DNMT3B: variants seen among roughly 807,000 people sequenced by gnomAD.
DNMT3B encodes DNA methyltransferase 3 beta, also known as DNA (cytosine-5)-methyltransferase 3B.
A neutral mutation model predicts 120.2 loss-of-function variants in DNMT3B; 37 were observed. The ratio of observed to expected loss-of-function variants is 0.31; its 90% confidence interval spans 0.24 to 0.40. DNMT3B has a LOEUF of 0.40. Ranked by LOEUF, DNMT3B falls within the 10% of genes least tolerant of loss-of-function variation. The pLI is 1.00. For missense variants in DNMT3B, 878 were observed against 1,137.3 expected (o/e 0.77, Z 3.28); for synonymous variants, 412 against 442.8 (o/e 0.93, Z 0.87).
chr20:32,777,981 T>A (rs1055963594), intron 1 of DNMT3B, among the ~76,000 whole-genome samples: 2 of 152,218 alleles, frequency 1.3e-5, no homozygotes, highest in African/African-American at 4.8e-5. Flanking sequence ...ATCTGAACAA[T>A]GCTGCTTTAA....
chr20:32,800,224 A>G lies in DNMT3B; in HGVS notation c.1831A>G (p.Ile611Val). ...CGCTTCTGAAGTGTGTGAGGAGTCCATTGCTGTTGGAACCGTGAAGCACGA... is the reference window on the plus strand; with the variant it reads ...CGCTTCTGAAGTGTGTGAGGAGTCCGTTGCTGTTGGAACCGTGAAGCACGA... ...YVASEVCEES[I>V]AVGTVKHEGN... Residue 611 changes from isoleucine to valine, a missense_variant, in exon 17 of 23, where the codon ATT becomes GTT. Physicochemically the swap from Ile to Val is conservative, Grantham distance 29 (BLOSUM62 3). Transcript: ENST00000328111. 7 of 1,614,202 alleles carry G rather than the reference A, an allele frequency of 4.3e-6. No individual in the cohort carries two copies. The highest frequency in any genetic ancestry group is 5.9e-6 in the Non-Finnish European group (7 of 1,180,044).
intron 21 of DNMT3B, 102 bp downstream of exon 21, chr20:32,805,509 A>C: frequency 2.2e-6 from 3 of 1,359,834 alleles, no homozygotes; most frequent in Non-Finnish European, 3.1e-6. Flanking sequence ...TCCTCCCCCC[A>C]CGTGACTTCC....
intron 1 of DNMT3B, among the ~76,000 whole-genome samples, chr20:32,776,652 C>A (rs542791503): frequency 6.6e-6 from 1 of 152,162 alleles, no homozygotes; most frequent in African/African-American, 2.4e-5. Context: ...CAGTACTTAC[C>A]ACATTTAAAG....
rs759107819 is a variant in DNMT3B, at chr20:32,806,188, T to G, written c.2302-21T>G. On this transcript the variant is annotated intron_variant, in intron 21 of 22. Transcript: ENST00000328111. ...GTCCCTTCATTCTGTGCTCACTCCA[T>G]GATGTCATTTTGTTCTCCAGTTAAA... 3 of 1,609,730 alleles carry G rather than the reference T, an allele frequency of 1.9e-6. No homozygotes were observed. In the Admixed American group the frequency reaches 5.0e-5, roughly 27 times the overall value.
chr20:32,780,598 C>G (rs1440045309), intron 2 of DNMT3B, 133 bp downstream of exon 2: 49 of 1,419,184 alleles, frequency 3.5e-5, no homozygotes, highest in Non-Finnish European at 3.5e-5. Context: ...AGAGCTCTAG[C>G]AAGGAGGGAT....
Position 32,797,279 on chromosome 20 carries a change from C to T in DNMT3B, c.1470C>T (p.Cys490=), listed in dbSNP as rs2146019258. ...GCGAGGGCCGAGAGCTGCTGCTTTG[C>T]AGCAACACGAGCTGCTGCCGGTGAG... The part of the protein sequence containing the change: ...VCCEGRELLL[C]SNTSCCRCFC... The change falls in exon 14 of 23, where the codon TGC becomes TGT. Residue 490 remains cysteine, a synonymous_variant. Coordinates refer to ENST00000328111, the MANE Select transcript of DNMT3B (RefSeq NM_006892.4). The T allele has an allele frequency of 1.2e-6, 2 of 1,614,124 alleles. No individual in the cohort carries two copies. The highest frequency in any genetic ancestry group is 1.7e-6 in the Non-Finnish European group (2 of 1,180,024).
At chr20:32,799,098 C>G (rs908603440) in intron 15 of DNMT3B, 146 bp from the exon 16 acceptor site, 1 of 845,556 alleles carries the variant, frequency 1.2e-6, no homozygotes, top group Non-Finnish European at 1.9e-6. Flanking sequence ...CTTGTCTCCC[C>G]AATCCCCATC....
intron 9 of DNMT3B, among the ~76,000 whole-genome samples, chr20:32,793,272 T>C (rs1217472047): frequency 6.6e-6 from 1 of 152,082 alleles, no homozygotes; most frequent in Non-Finnish European, 1.5e-5. Context: ...GGCGAGTGGA[T>C]CACTTGAGGC....
Position 32,807,903 on chromosome 20 carries a change from G to T in DNMT3B, c.2562G>T (p.Ter854TyrextTer20). 1 of 1,614,170 alleles carries T rather than the reference G, an allele frequency of 6.2e-7. No individual in the cohort carries two copies. Among genetic ancestry groups the T allele is most frequent in the Non-Finnish European group, 8.5e-7 (1 of 1,180,022 alleles). ...TGAAGGACTACTTTGCATGTGAATA[G>T]TTCCAGCCAGGCCCCAAGCCCACTG... ...APLKDYFACE[*>Y] The change falls in exon 23 of 23, where the codon TAG (stop) becomes TAT (tyrosine). Residue 854 changes from the stop codon to tyrosine, a stop_lost. Transcript: ENST00000328111.
chr20:32,778,942 AGATG>A (rs3080493), intron 1 of DNMT3B, among the ~76,000 whole-genome samples: 11,586 of 150,470 alleles, frequency 0.077, 936 homozygotes, highest in African/African-American at 0.21. Flanking sequence ...TCTCTAAGAT[AGATG>A]GATGGATGGA....
chr20:32,804,431 G>A (rs1051184593), intron 20 of DNMT3B, among the ~76,000 whole-genome samples: 2 of 152,180 alleles, frequency 1.3e-5, no homozygotes, highest in East Asian at 3.9e-4. Flanking sequence ...CAGTCTAGGG[G>A]AAATATGTGT....
chr20:32,798,551 CTCCCGCAGCGCTGTCATGGCG>C lies in DNMT3B; in HGVS notation c.1586_1606del (p.Pro529_Val535del). 1 of 1,614,236 alleles carries C rather than the reference CTCCCGCAGCGCTGTCATGGCG, an allele frequency of 6.2e-7. No homozygotes were observed. The highest frequency in any genetic ancestry group is 8.5e-7 in the Non-Finnish European group (1 of 1,180,044). On this transcript the variant is annotated inframe_deletion, in exon 15 of 23. Coordinates refer to ENST00000328111, the MANE Select transcript of DNMT3B (RefSeq NM_006892.4). ...GGAGCCCTGGAGCTGTTACATGTGT[CTCCCGCAGCGCTGTCATGGCG>C]TCCTGCGGCGCCGGAAGGACTGGAA... is the stretch of plus-strand genomic sequence containing the variant.
chr20:32,781,275 A>G, intron 2 of DNMT3B, 78 bp from the exon 3 acceptor site: 3 of 1,512,960 alleles, frequency 2.0e-6, no homozygotes, highest in Non-Finnish European at 2.8e-6. Flanking sequence ...GCCACGGAGA[A>G]AAGCCCCTAT....
chr20:32,790,882 G>A (rs962542956), intron 7 of DNMT3B, among the ~76,000 whole-genome samples: 4 of 152,048 alleles, frequency 2.6e-5, no homozygotes, highest in Non-Finnish European at 5.9e-5. Flanking sequence ...CAGGCTAGTC[G>A]AACTCCTGGG....
intron 1 of DNMT3B, among the ~76,000 whole-genome samples, chr20:32,776,888 C>A (rs536580749): frequency 6.6e-6 from 1 of 151,950 alleles, no homozygotes; most frequent in African/African-American, 2.4e-5. Context: ...GAGAACACAG[C>A]AGCACATGCC....
At chr20:32,792,512 T>C in intron 8 of DNMT3B, 114 bp from the exon 9 acceptor site, 1 of 1,575,744 alleles carries the variant, frequency 6.3e-7, no homozygotes, top group Admixed American at 1.7e-5. Context: ...TGTCTGGCTA[T>C]GAAAGGGCCC....
intron 1 of DNMT3B, among the ~76,000 whole-genome samples, chr20:32,768,106 C>A (rs563052572): frequency 2.5e-4 from 38 of 152,260 alleles, no homozygotes; most frequent in African/African-American, 8.7e-4. Flanking sequence ...CAGCCTTGAA[C>A]TCCTGGGTCA....
Position 32,767,276 on chromosome 20 carries a change from AGTGTTCCCTC to A in DNMT3B, c.-7+4586_-7+4595del, listed in dbSNP as rs1408342405. ...TCTGCCTGAGAATATTGTAGGGTTT[AGTGTTCCCTC>A]GTGTTCCCGCCAATATTAAGGGATA... On this transcript the variant is annotated intron_variant, in intron 1 of 22. Coordinates refer to ENST00000328111, the MANE Select transcript of DNMT3B (RefSeq NM_006892.4). Among the ~76,000 whole-genome samples, 13 of 150,616 alleles carry A rather than the reference AGTGTTCCCTC, an allele frequency of 8.6e-5. No individual in the cohort carries two copies. In the East Asian group the frequency reaches 1.9e-3, roughly 23 times the overall value.
At chr20:32,800,462 G>C (rs1275363958) in intron 17 of DNMT3B, among the ~76,000 whole-genome samples, 164 bp downstream of exon 17, 4 of 152,104 alleles carry the variant, frequency 2.6e-5, no homozygotes, top group Non-Finnish European at 2.9e-5. Flanking sequence ...AGTGGAGTTG[G>C]TGACCAAGCA....
Sources: gnomAD v4.1 joint callset for allele counts (sites outside exome capture counted in the v4.1 genomes callset) on GRCh38, gnomAD v4.1.1 for gene constraint, MANE v1.5 for transcripts, NCBI Gene and HGNC (gene_info 2026-07-23, HGNC 2026-07-21) for gene names.